The following PRKD1 variants were observed in gnomAD, a reference collection of about 807,000 sequenced individuals.
PRKD1 encodes protein kinase D1, also known as serine/threonine-protein kinase D1.
Under a neutral mutation model 95.9 loss-of-function variants are expected in PRKD1, and 63 were observed. The observed-to-expected ratio is 0.66, with a 90% CI of 0.54 to 0.81. The LOEUF (loss-of-function observed/expected upper bound fraction) is 0.81, where lower values mean the gene tolerates loss of function less well. PRKD1 is among the 30% of genes least tolerant of loss of function. PRKD1 has a pLI of 0.00. For missense variants in PRKD1, 1,048 were observed against 1,165.3 expected (o/e 0.90, Z 1.47); for synonymous variants, 425 against 423.1 (o/e 1.00, Z -0.05).
At chr14:29,679,567 G>C (rs1438952067) in intron 2 of PRKD1, among the ~76,000 whole-genome samples, 1 of 152,094 alleles carries the variant, frequency 6.6e-6, no homozygotes, top group Non-Finnish European at 1.5e-5. Context: ...CTAAAGAGCT[G>C]TGATAAATCT....
chr14:29,691,972 T>C (rs1229016927), intron 2 of PRKD1, among the ~76,000 whole-genome samples: 1 of 152,164 alleles, frequency 6.6e-6, no homozygotes. Context: ...CCAGAGTTTT[T>C]GAAGATGTGA....
Position 29,578,155 on chromosome 14 carries a change from A to C in PRKD1, c.2520+120T>G, listed in dbSNP as rs1892626083. 3.8e-6 allele frequency: 3 copies of C among 789,966 alleles called. No homozygotes were observed. In the South Asian group the frequency reaches 5.1e-5, roughly 14 times the overall value. The allele number at this position is 789,966 out of a possible 1,614,324, so 48.9% of individuals were successfully genotyped here. ...CTATGAAGTTGCATGCATTTGAGCA[A>C]ATAAATTGATATTAGAATAATCACA... On this transcript the variant is annotated intron_variant, in intron 17 of 17. Transcript: ENST00000331968.
intron 1 of PRKD1, among the ~76,000 whole-genome samples, chr14:29,819,825 A>T (rs1890840714): frequency 6.6e-6 from 1 of 152,250 alleles, no homozygotes; most frequent in Non-Finnish European, 1.5e-5. Context: ...ATTTTCTGTA[A>T]ATTTGAAATT....
At chr14:29,589,752 T>C (rs994442994) in intron 16 of PRKD1, among the ~76,000 whole-genome samples, 2 of 152,144 alleles carry the variant, frequency 1.3e-5, no homozygotes, top group African/African-American at 2.4e-5. Flanking sequence ...TTTTATTAGC[T>C]TTTTTATGAA....
chr14:29,674,047 G>A (rs1318149711), intron 2 of PRKD1, among the ~76,000 whole-genome samples: 3 of 152,092 alleles, frequency 2.0e-5, no homozygotes, highest in African/African-American at 7.2e-5. Flanking sequence ...ATAGTCCTTG[G>A]CATACCGGTG....
chr14:29,610,276 T>C (rs1012950305), intron 13 of PRKD1, among the ~76,000 whole-genome samples: 2 of 152,158 alleles, frequency 1.3e-5, no homozygotes, highest in Admixed American at 6.5e-5. Flanking sequence ...CTTTGTGATA[T>C]AGAACTATTA....
At chr14:29,633,746 A>G (rs984299486) in intron 8 of PRKD1, among the ~76,000 whole-genome samples, 2 of 152,188 alleles carry the variant, frequency 1.3e-5, no homozygotes, top group Non-Finnish European at 2.9e-5. Flanking sequence ...GAGTCCTATA[A>G]TATCAGGTAG....
chr14:29,775,485 C>T (rs1470416263), intron 1 of PRKD1, among the ~76,000 whole-genome samples: 1 of 152,232 alleles, frequency 6.6e-6, no homozygotes, highest in Non-Finnish European at 1.5e-5. Context: ...GCAAAAGGCA[C>T]ACCAGGAGAT....
chr14:29,683,212 A>C, intron 2 of PRKD1, among the ~76,000 whole-genome samples: 1 of 152,210 alleles, frequency 6.6e-6, no homozygotes, highest in East Asian at 1.9e-4. Context: ...CTGTAGCAAT[A>C]GAAACAGAGA....
rs1886397412 is a variant in PRKD1 at position 29,730,855 on chromosome 14, G to A, written c.265-5181C>T. On this transcript the variant is annotated intron_variant, in intron 1 of 17. Transcript: ENST00000331968. ...CAGTGGTTACTGGGGCTAAGCGGTG[G>A]GTGAGAAATGGTCAGTGATGTTGGA... is the stretch of plus-strand genomic sequence containing the variant. Among the ~76,000 whole-genome samples, 3 of 152,138 alleles carry A rather than the reference G, an allele frequency of 2.0e-5. 1 individual carries two copies. In the Middle Eastern group the frequency reaches 0.01, roughly 517 times the overall value.
At chr14:29,900,709 G>A (rs1894291031) in intron 1 of PRKD1, among the ~76,000 whole-genome samples, 1 of 152,016 alleles carries the variant, frequency 6.6e-6, no homozygotes, top group South Asian at 2.1e-4. Flanking sequence ...AGACATACAA[G>A]CAACAACAAA....
chr14:29,615,449 C>G (rs941108909), intron 13 of PRKD1, among the ~76,000 whole-genome samples: 1 of 152,244 alleles, frequency 6.6e-6, no homozygotes, highest in Admixed American at 6.5e-5. Flanking sequence ...AAGTTTGCTG[C>G]TCAGCTTTTA....
rs1895333125 is a variant in PRKD1, at chr14:29,927,180, G to C, written c.264+69C>G. On this transcript the variant is annotated intron_variant, in intron 1 of 17. Transcript: ENST00000331968. ...CCGGGAGCCGGAAAGTTGGCGCGGA[G>C]AGGGCCAGCCGGGCAGCGCCCCCTG... The C allele has an allele frequency of 2.2e-6, 3 of 1,353,080 alleles. No individual in the cohort carries two copies. The East Asian group carries it at 9.8e-5, about 44-fold the overall frequency. The allele number at this position is 1,353,080 out of a possible 1,614,324, so 83.8% of individuals were successfully genotyped here. A position where few individuals can be genotyped will look rare whatever the true frequency, so the allele number is the denominator to read the frequency against.
intron 1 of PRKD1, among the ~76,000 whole-genome samples, chr14:29,826,698 T>TAC (rs1555348486): frequency 0.15 from 6,300 of 42,276 alleles, 1,607 homozygotes; most frequent in Non-Finnish European, 0.21. Flanking sequence ...CACATATATA[T>TAC]ACATATATAC....
chr14:29,822,808 C>A (rs1438768155), intron 1 of PRKD1, among the ~76,000 whole-genome samples: 1 of 152,076 alleles, frequency 6.6e-6, no homozygotes, highest in East Asian at 1.9e-4. Flanking sequence ...TTTACTGATT[C>A]TTTTTACAAA....
chr14:29,862,584 A>G (rs1892748309), intron 1 of PRKD1, among the ~76,000 whole-genome samples: 1 of 152,186 alleles, frequency 6.6e-6, no homozygotes, highest in Non-Finnish European at 1.5e-5. Flanking sequence ...AGGTGAGATG[A>G]TATCTCACTG....
At chr14:29,578,467 T>C (rs1450114307) in intron 16 of PRKD1, 107 bp from the exon 17 acceptor site, 1 of 656,184 alleles carries the variant, frequency 1.5e-6, no homozygotes, top group African/African-American at 2.5e-5. Flanking sequence ...TGCAGCATAG[T>C]GACAAGGCAC....
intron 1 of PRKD1, among the ~76,000 whole-genome samples, chr14:29,899,166 C>T (rs1360247697): frequency 6.6e-6 from 1 of 152,072 alleles, no homozygotes; most frequent in Non-Finnish European, 1.5e-5. Flanking sequence ...CAAATAAATA[C>T]AGTATTTTAA....
At chr14:29,724,439 G>A (rs1014408844) in intron 2 of PRKD1, among the ~76,000 whole-genome samples, 2 of 152,128 alleles carry the variant, frequency 1.3e-5, no homozygotes, top group East Asian at 1.9e-4. Context: ...AGTTTTGAGA[G>A]GTCAGGTGCA....
Sources: allele counts gnomAD v4.1 joint callset (sites outside exome capture counted in the v4.1 genomes callset), GRCh38; gene constraint gnomAD v4.1.1; transcripts MANE v1.5; gene names NCBI Gene and HGNC (gene_info 2026-07-23, HGNC 2026-07-21).